Variants in EPB41L5 observed in about 807,000 individuals in gnomAD.
EPB41L5 encodes erythrocyte membrane protein band 4.1 like 5.
A neutral mutation model predicts 106.6 loss-of-function variants in EPB41L5; 55 were observed. That is an observed-to-expected ratio of 0.52 (90% CI 0.42 to 0.65). The LOEUF is 0.65. Ranked by LOEUF, EPB41L5 falls within the 30% of genes least tolerant of loss-of-function variation. EPB41L5 has a pLI of 0.00. For synonymous variants in EPB41L5, 297 were observed against 306.7 expected, an observed-to-expected ratio of 0.97 and a Z score of 0.33; for missense variants, 871 against 882.1, an observed-to-expected ratio of 0.99 and a Z score of 0.16.
chr2:120,056,360 C>T (rs1405187665), intron 3 of EPB41L5, among the ~76,000 whole-genome samples: 2 of 150,108 alleles, frequency 1.3e-5, no homozygotes, highest in Non-Finnish European at 1.5e-5. Flanking sequence ...AGTGCAGTGG[C>T]GTGATCTCAG....
chr2:120,125,725 G>A (rs1422649704), intron 16 of EPB41L5, among the ~76,000 whole-genome samples: 1 of 152,002 alleles, frequency 6.6e-6, no homozygotes, highest in Admixed American at 6.6e-5. Context: ...TTCTTTTATG[G>A]CCTGATGTGG....
rs564996613 is a variant in EPB41L5 at position 120,082,213 on chromosome 2, T to A, written c.803+3632T>A. ...AGTTTTCAAAGGGAACGCTTCCAGTTTTTGCCCTTTCAGTATGATATTGGC... is the reference window on the plus strand; with the variant it reads ...AGTTTTCAAAGGGAACGCTTCCAGTATTTGCCCTTTCAGTATGATATTGGC... On this transcript the variant is annotated intron_variant, in intron 10 of 24. Coordinates refer to ENST00000263713, the MANE Select transcript of EPB41L5 (RefSeq NM_020909.4). Among the ~76,000 whole-genome samples the A allele has an allele frequency of 4.6e-5, 7 of 152,286 alleles. No homozygotes were observed. The South Asian group carries it at 1.2e-3, about 27-fold the overall frequency.
intron 2 of EPB41L5, among the ~76,000 whole-genome samples, chr2:120,021,660 CTT>C (rs1677941283): frequency 6.6e-6 from 1 of 152,126 alleles, no homozygotes. Flanking sequence ...GAACAACTGT[CTT>C]TCCAATTCTG....
chr2:120,054,342 C>T (rs1680489166), intron 3 of EPB41L5, among the ~76,000 whole-genome samples: 1 of 152,116 alleles, frequency 6.6e-6, no homozygotes, highest in Non-Finnish European at 1.5e-5. Context: ...ACTTTTTTCC[C>T]CTACTTTTCA....
At chr2:120,134,709 G>C (rs746417966) in intron 18 of EPB41L5, among the ~76,000 whole-genome samples, 4 of 152,202 alleles carry the variant, frequency 2.6e-5, no homozygotes, top group Non-Finnish European at 4.4e-5. Context: ...ACCTTAACAA[G>C]CCTGCAAGAG....
At chr2:120,142,271 G>A (rs1314166824) in intron 18 of EPB41L5, among the ~76,000 whole-genome samples, 1 of 151,768 alleles carries the variant, frequency 6.6e-6, no homozygotes, top group African/African-American at 2.4e-5. Flanking sequence ...CTTGACCTAT[G>A]TCTGAAATCC....
At chr2:120,130,745 G>A (rs1300753296) in intron 17 of EPB41L5, among the ~76,000 whole-genome samples, 3 of 152,202 alleles carry the variant, frequency 2.0e-5, no homozygotes, top group African/African-American at 4.8e-5. Context: ...GGGAATGAGC[G>A]TTTCTTGAAA....
chr2:120,139,858 C>T (rs1003989153), intron 18 of EPB41L5, among the ~76,000 whole-genome samples: 1 of 152,016 alleles, frequency 6.6e-6, no homozygotes, highest in Non-Finnish European at 1.5e-5. Context: ...GAAGAGATAT[C>T]TGCACTCCCA....
At chr2:120,042,998 TGTGTGTGTG>T (rs765604336) in intron 3 of EPB41L5, among the ~76,000 whole-genome samples, 34,487 of 127,410 alleles carry the variant, frequency 0.27, 5,003 homozygotes, top group East Asian at 0.41. Context: ...TCTGGAAATG[TGTGTGTGTG>T]TGTGTGTGTG....
intron 2 of EPB41L5, among the ~76,000 whole-genome samples, chr2:120,026,612 G>A (rs190407991): frequency 9.9e-5 from 15 of 152,180 alleles, no homozygotes; most frequent in East Asian, 1.9e-4. Flanking sequence ...CAATTGTTCC[G>A]CCTGCCTTGG....
chr2:120,146,329 T>G (rs779494746), intron 20 of EPB41L5, 40 bp downstream of exon 20: 1 of 1,434,312 alleles, frequency 7.0e-7, no homozygotes, highest in Admixed American at 1.8e-5. Flanking sequence ...GATGTTCTTA[T>G]CTATCTTTGT....
At position 120,019,229 on chromosome 2, in the gene EPB41L5, C is replaced by T. The variant is rs763979792; in HGVS notation, c.145C>T (p.Leu49Phe). ...SKSIITCRVS[L>F]LDGTDVSVDL... is the part of the protein sequence containing the mutation. ...GTCCATCATCACGTGTCGGGTGTCC[C>T]TTCTGGATGGTACTGATGTTAGTGT... The change falls in exon 2 of 25, where the codon CTT becomes TTT. Residue 49 changes from leucine to phenylalanine, a missense_variant. Coordinates refer to ENST00000263713, the MANE Select transcript of EPB41L5 (RefSeq NM_020909.4). 2 of 1,613,682 alleles carry T rather than the reference C, an allele frequency of 1.2e-6. No homozygotes were observed. Among genetic ancestry groups the T allele is most frequent in the Non-Finnish European group, 8.5e-7 (1 of 1,179,962 alleles).
chr2:120,075,885 C>A, intron 7 of EPB41L5, 132 bp downstream of exon 7: 1 of 719,828 alleles, frequency 1.4e-6, no homozygotes. Context: ...TATCAGGGTC[C>A]AACTCTGACT....
chr2:120,123,233 C>T (rs1275581578), intron 16 of EPB41L5, among the ~76,000 whole-genome samples: 1 of 151,964 alleles, frequency 6.6e-6, no homozygotes, highest in Non-Finnish European at 1.5e-5. Flanking sequence ...AAAACCTGGT[C>T]CCCTGGTTTC....
chr2:120,062,613 T>A (rs966427588), intron 3 of EPB41L5, among the ~76,000 whole-genome samples: 2 of 152,200 alleles, frequency 1.3e-5, no homozygotes, highest in African/African-American at 2.4e-5. Flanking sequence ...ATCTAGATAG[T>A]GTTGTTTTGT....
chr2:120,138,317 T>TA (rs1184395737), intron 18 of EPB41L5, among the ~76,000 whole-genome samples: 1 of 152,080 alleles, frequency 6.6e-6, no homozygotes, highest in East Asian at 1.9e-4. Context: ...TCACTGCTGT[T>TA]ATTCAGTGTA....
At chr2:120,120,112 G>C (rs1368899124) in intron 16 of EPB41L5, among the ~76,000 whole-genome samples, 1 of 152,036 alleles carries the variant, frequency 6.6e-6, no homozygotes, top group Non-Finnish European at 1.5e-5. Context: ...AACTTCAATT[G>C]TCTGAGATGG....
At chr2:120,074,029 C>T in intron 4 of EPB41L5, 71 bp from the exon 5 acceptor site, 1 of 1,192,796 alleles carries the variant, frequency 8.4e-7, no homozygotes, top group Non-Finnish European at 1.2e-6. Flanking sequence ...GATTTTTGAC[C>T]AGTTTTCTGG....
At chr2:120,161,048 C>A in intron 21 of EPB41L5, 74 bp downstream of exon 21, 1 of 1,044,268 alleles carries the variant, frequency 9.6e-7, no homozygotes, top group Non-Finnish European at 1.5e-6. Flanking sequence ...TAACCAAGGG[C>A]ATCTAGTGAT....
Sources: gnomAD v4.1 joint callset for allele counts (sites outside exome capture counted in the v4.1 genomes callset) on GRCh38, gnomAD v4.1.1 for gene constraint, MANE v1.5 for transcripts, NCBI Gene and HGNC (gene_info 2026-07-23, HGNC 2026-07-21) for gene names.